The following P2RY12 variants were observed in gnomAD, a reference collection of about 807,000 sequenced individuals.
P2RY12 encodes P2Y purinoceptor 12.
Under a neutral mutation model 4.5 loss-of-function variants are expected in P2RY12, and 3 were observed. The ratio of observed to expected loss-of-function variants is 0.67; its 90% CI spans 0.31 to 1.74. The LOEUF (loss-of-function observed/expected upper bound fraction) is 1.74, where lower values mean the gene tolerates loss of function less well. P2RY12 is among the 40% of genes most tolerant of loss of function. The pLI is 0.09. For synonymous variants in P2RY12, 148 were observed against 154.1 expected (o/e 0.96, Z 0.29); for missense variants, 356 against 407.8 (o/e 0.87, Z 1.09).
Position 151,372,742 on chromosome 3 carries a change from T to C in P2RY12, c.-180+11950A>G, listed in dbSNP as rs369982334. 160 of 1,613,308 alleles carry C rather than the reference T, an allele frequency of 9.9e-5. No individual in the cohort carries two copies. The highest frequency in any genetic ancestry group is 1.3e-4 in the Non-Finnish European group (155 of 1,179,416). On this transcript the variant is annotated intron_variant, in intron 1 of 2. Coordinates refer to ENST00000302632, the MANE Select transcript of P2RY12 (RefSeq NM_022788.5). ...CCAATTTAAGAGAATACGCTAGATA[T>C]GTACTGAGGACTATCTGTCAACAGG...
intron 1 of P2RY12, among the ~76,000 whole-genome samples, chr3:151,351,110 A>T (rs905008689): frequency 1.3e-5 from 2 of 152,190 alleles, no homozygotes; most frequent in Non-Finnish European, 2.9e-5. Flanking sequence ...TCTGTAGTAC[A>T]TATACTTTTT....
intron 1 of P2RY12, among the ~76,000 whole-genome samples, chr3:151,371,888 C>T (rs1340973369): frequency 1.3e-5 from 2 of 152,114 alleles, no homozygotes; most frequent in Non-Finnish European, 2.9e-5. Context: ...TTTCCCAGAA[C>T]TTTGTTATGA....
intron 1 of P2RY12, among the ~76,000 whole-genome samples, chr3:151,381,115 A>G (rs1469996126): frequency 6.6e-6 from 1 of 152,238 alleles, no homozygotes; most frequent in Non-Finnish European, 1.5e-5. Context: ...ATTGGAGAGC[A>G]TGGAATTAAG....
At chr3:151,357,749 A>G (rs1278256698) in intron 1 of P2RY12, among the ~76,000 whole-genome samples, 1 of 152,232 alleles carries the variant, frequency 6.6e-6, no homozygotes, top group African/African-American at 2.4e-5. Context: ...CTCAACATCA[A>G]ATAAGCTTTG....
intron 1 of P2RY12, among the ~76,000 whole-genome samples, chr3:151,364,389 A>G (rs1332216102): frequency 6.6e-6 from 1 of 152,192 alleles, no homozygotes; most frequent in African/African-American, 2.4e-5. Flanking sequence ...TATGAATGAT[A>G]TAATAGTTTT....
intron 1 of P2RY12, chr3:151,355,256 G>A: frequency 6.5e-7 from 1 of 1,539,946 alleles, no homozygotes; most frequent in South Asian, 1.1e-5. Context: ...ATTTAAAGCT[G>A]TTTATTATGC....
chr3:151,364,482 T>C (rs1370147926), intron 1 of P2RY12, among the ~76,000 whole-genome samples: 1 of 152,216 alleles, frequency 6.6e-6, no homozygotes, highest in East Asian at 1.9e-4. Context: ...TGCCTCTCTT[T>C]TTCACAGCTG....
chr3:151,345,101 T>TA lies in P2RY12; in HGVS notation c.-179-4342dup, dbSNP rs1577387559. Among the ~76,000 whole-genome samples, 4 of 152,332 alleles carry TA rather than the reference T, an allele frequency of 2.6e-5. No individual in the cohort carries two copies. The East Asian group carries it at 7.7e-4, about 29-fold the overall frequency. On this transcript the variant is annotated intron_variant, in intron 1 of 2. Transcript: ENST00000302632. ...GCATGTTTCTAGTTTCTTCATCTATTAAGTTTCTGTGAGTATGAGATAATA... is the reference window on the plus strand; with the variant it reads ...GCATGTTTCTAGTTTCTTCATCTATTAAAGTTTCTGTGAGTATGAGATAATA...
chr3:151,369,326 T>C (rs929932403), intron 1 of P2RY12: 2 of 622,562 alleles, frequency 3.2e-6, no homozygotes, highest in Admixed American at 2.8e-5. Flanking sequence ...AGCAAGCTAA[T>C]GGCAATTAAG....
intron 1 of P2RY12, among the ~76,000 whole-genome samples, chr3:151,366,176 T>A (rs1213218134): frequency 1.3e-5 from 2 of 152,064 alleles, no homozygotes; most frequent in African/African-American, 2.4e-5. Flanking sequence ...TGAAAAAAAA[T>A]AGAAATAAAT....
chr3:151,339,577 C>G (rs1577371746), intron 2 of P2RY12, among the ~76,000 whole-genome samples: 1 of 151,960 alleles, frequency 6.6e-6, no homozygotes, highest in East Asian at 1.9e-4. Flanking sequence ...TTCCAACTTT[C>G]CTCAGTGTTT....
At chr3:151,375,970 C>CATATATATATAT (rs148538586) in intron 1 of P2RY12, 25,416 of 803,958 alleles carry the variant, frequency 0.032, 499 homozygotes, top group Middle Eastern at 0.11. Context: ...GTACATATTG[C>CATATATATATAT]ATATATATAT....
chr3:151,364,209 C>G (rs1452327145), intron 1 of P2RY12, among the ~76,000 whole-genome samples: 1 of 152,136 alleles, frequency 6.6e-6, no homozygotes, highest in Admixed American at 6.6e-5. Flanking sequence ...TTCTGCCAGT[C>G]TCATTCACAG....
At chr3:151,371,807 TATG>T (rs1756219865) in intron 1 of P2RY12, among the ~76,000 whole-genome samples, 1 of 152,222 alleles carries the variant, frequency 6.6e-6, no homozygotes, top group Non-Finnish European at 1.5e-5. Context: ...ACTTTTAAAA[TATG>T]ATAGTTATTT....
chr3:151,355,117 G>A, intron 1 of P2RY12: 1 of 1,604,130 alleles, frequency 6.2e-7, no homozygotes, highest in Non-Finnish European at 8.5e-7. Flanking sequence ...TTATGTTTAT[G>A]TAGTTGGGGA....
chr3:151,368,965 G>C (rs776914906), intron 1 of P2RY12, among the ~76,000 whole-genome samples: 2 of 151,956 alleles, frequency 1.3e-5, no homozygotes, highest in South Asian at 4.2e-4. Flanking sequence ...ATTTCACTGT[G>C]TTGGCCAGAC....
intron 1 of P2RY12, among the ~76,000 whole-genome samples, chr3:151,359,366 G>A (rs899019451): frequency 6.6e-6 from 1 of 152,108 alleles, no homozygotes; most frequent in Admixed American, 6.6e-5. Flanking sequence ...CTAATTGGCA[G>A]CTTTTACCTG....
intron 1 of P2RY12, among the ~76,000 whole-genome samples, chr3:151,354,883 A>C (rs375952797): frequency 6.6e-6 from 1 of 152,208 alleles, no homozygotes; most frequent in Non-Finnish European, 1.5e-5. Context: ...CTAAGTTGTT[A>C]GGTGTCAGGA....
intron 1 of P2RY12, among the ~76,000 whole-genome samples, chr3:151,368,419 T>G (rs892933323): frequency 2.6e-5 from 4 of 152,106 alleles, no homozygotes; most frequent in African/African-American, 9.7e-5. Flanking sequence ...TGTCAGCACC[T>G]TTTATCTGTG....
Sources: gnomAD v4.1 joint callset for allele counts (sites outside exome capture counted in the v4.1 genomes callset) on GRCh38, gnomAD v4.1.1 for gene constraint, MANE v1.5 for transcripts, NCBI Gene and HGNC (gene_info 2026-07-23, HGNC 2026-07-21) for gene names.